ZBBX: variants seen among roughly 807,000 people sequenced by gnomAD.
ZBBX encodes the protein zinc finger B-box domain containing.
Under a neutral mutation model 108.5 loss-of-function variants are expected in ZBBX, and 101 were observed. The ratio of observed to expected loss-of-function variants is 0.93; its 90% CI spans 0.79 to 1.10. The LOEUF is 1.10. Ranked by LOEUF, ZBBX falls within the 50% of genes least tolerant of loss-of-function variation. ZBBX has a pLI of 0.00. For missense variants in ZBBX, 1,009 were observed against 941.4 expected (o/e 1.07, Z -0.94); for synonymous variants, 356 against 323.4 (o/e 1.10, Z -1.08).
Position 167,372,910 on chromosome 3 carries a change from C to T in ZBBX, c.-9G>A. 1.9e-6 allele frequency: 3 copies of T among 1,581,410 alleles called. No homozygotes were observed. In the South Asian group the frequency reaches 3.5e-5, roughly 19 times the overall value. The stretch of plus-strand genomic sequence containing the variant: ...AAATCTTTTCTGTTCATGATTACCA[C>T]CTTAATATTGTCTAAAAGTTATTCT... On this transcript the variant is annotated 5_prime_UTR_variant, in exon 4 of 22. The change creates a new upstream start codon in the 5' untranslated region. Transcript: ENST00000675490.
intron 20 of ZBBX, among the ~76,000 whole-genome samples, chr3:167,263,254 G>T (rs1386904347): frequency 6.6e-6 from 1 of 151,970 alleles, no homozygotes; most frequent in South Asian, 2.1e-4. Flanking sequence ...GCCTCCCAAA[G>T]TGCTGGGATT....
chr3:167,282,956 T>C (rs552201790), intron 19 of ZBBX, among the ~76,000 whole-genome samples: 4 of 152,340 alleles, frequency 2.6e-5, no homozygotes, highest in African/African-American at 9.6e-5. Flanking sequence ...TGATGATATG[T>C]AATTTATTCT....
At chr3:167,386,162 A>C (rs1747916844) in intron 1 of ZBBX, among the ~76,000 whole-genome samples, 1 of 152,070 alleles carries the variant, frequency 6.6e-6, no homozygotes. Context: ...AAAAAAAGAA[A>C]AAATAAAGGA....
At position 167,282,241 on chromosome 3, in the gene ZBBX, C is replaced by T; in HGVS notation, c.2251G>A (p.Ala751Thr). Residue 751 changes from alanine to threonine, a missense_variant, in exon 20 of 22, where the codon GCA becomes ACA. By Grantham distance (58) the Ala-to-Thr change is moderately conservative. Coordinates refer to ENST00000675490, the MANE Select transcript of ZBBX (RefSeq NM_001199201.2). Reference sequence around the variant, plus strand: ...GTGAAAAAAAAAATAGGATTACCTGCAAGAGATCTCAGCACTTGTAATTCT... The same window carrying T: ...GTGAAAAAAAAAATAGGATTACCTGTAAGAGATCTCAGCACTTGTAATTCT... The part of the protein sequence containing the change: ...EKELQVLRSL[A>T]DTSEKLYSLT... 6.2e-7 allele frequency: 1 copy of T among 1,606,822 alleles called. No individual in the cohort carries two copies. Among genetic ancestry groups the T allele is most frequent in the Non-Finnish European group, 8.5e-7 (1 of 1,177,030 alleles).
chr3:167,266,164 GGC>G (rs1725424351), intron 20 of ZBBX, among the ~76,000 whole-genome samples: 1 of 152,136 alleles, frequency 6.6e-6, no homozygotes, highest in Admixed American at 6.6e-5. Flanking sequence ...GAATGATGTA[GGC>G]TTCTGTTTTG....
chr3:167,286,518 T>C (rs1049249195), intron 19 of ZBBX, among the ~76,000 whole-genome samples: 3 of 152,128 alleles, frequency 2.0e-5, no homozygotes, highest in Non-Finnish European at 2.9e-5. Flanking sequence ...AAATGAATTA[T>C]AGCAACATGA....
chr3:167,317,226 A>C, intron 13 of ZBBX, 121 bp from the exon 14 acceptor site: 1 of 671,596 alleles, frequency 1.5e-6, no homozygotes, highest in Non-Finnish European at 2.4e-6. Flanking sequence ...AAAAATACAA[A>C]TACTGTCAAT....
intron 6 of ZBBX, among the ~76,000 whole-genome samples, chr3:167,364,134 A>G (rs1331280579): frequency 6.6e-6 from 1 of 151,620 alleles, no homozygotes; most frequent in Non-Finnish European, 1.5e-5. Context: ...TGTCAAGTGC[A>G]TTGTAGGATG....
chr3:167,389,813 T>C (rs1034201642), intron 1 of ZBBX, among the ~76,000 whole-genome samples: 2 of 117,538 alleles, frequency 1.7e-5, no homozygotes, highest in East Asian at 4.1e-4. Flanking sequence ...ACCCACTTTT[T>C]GATGTTTTTT....
At chr3:167,371,208 A>T (rs1186364423) in intron 4 of ZBBX, among the ~76,000 whole-genome samples, 1 of 152,200 alleles carries the variant, frequency 6.6e-6, no homozygotes, top group African/African-American at 2.4e-5. Context: ...TTACTATGAC[A>T]TACACATTAG....
At chr3:167,345,734 C>A (rs1222434250) in intron 9 of ZBBX, among the ~76,000 whole-genome samples, 1 of 151,654 alleles carries the variant, frequency 6.6e-6, no homozygotes, top group Non-Finnish European at 1.5e-5. Context: ...CATATGGAAC[C>A]AAGAAAGAGC....
the ZBBX span, among the ~76,000 whole-genome samples, chr3:167,207,681 A>G: frequency 6.6e-6 from 1 of 152,204 alleles, no homozygotes; most frequent in Non-Finnish European, 1.5e-5. Flanking sequence ...GCTCTCACAC[A>G]TAAGTAGGAG....
intron 16 of ZBBX, among the ~76,000 whole-genome samples, chr3:167,312,307 G>A (rs1245504655): frequency 1.3e-5 from 2 of 152,198 alleles, no homozygotes; most frequent in Non-Finnish European, 2.9e-5. Flanking sequence ...GTGGGGCACA[G>A]AGAATTTTTA....
chr3:167,269,126 G>T (rs1726096229), intron 20 of ZBBX, among the ~76,000 whole-genome samples: 1 of 152,300 alleles, frequency 6.6e-6, no homozygotes, highest in African/African-American at 2.4e-5. Context: ...GGGCTCAGGG[G>T]CTCTGTCTCT....
At chr3:167,354,407 T>C (rs1743184996) in intron 8 of ZBBX, among the ~76,000 whole-genome samples, 1 of 151,872 alleles carries the variant, frequency 6.6e-6, no homozygotes, top group Admixed American at 6.6e-5. Context: ...TTAAAAAGAA[T>C]GCATGGTCTG....
chr3:167,379,662 G>C lies in ZBBX; in HGVS notation c.-156C>G, dbSNP rs936514221. 6.6e-6 allele frequency: 1 copy of C among 152,034 alleles called. No individual in the cohort carries two copies. The highest frequency in any genetic ancestry group is 6.5e-5 in the Admixed American group (1 of 15,276). 9.4% of individuals were successfully genotyped at this position (152,034 alleles called of 1,614,324 possible). On this transcript the variant is annotated 5_prime_UTR_variant, in exon 2 of 22. Coordinates refer to ENST00000675490, the MANE Select transcript of ZBBX (RefSeq NM_001199201.2). ...CCTGAGTCCCTCTACTGCTGATTTT[G>C]GGAAGAAAAAATAAACTTCCACATC...
chr3:167,226,082 T>C, the ZBBX span, among the ~76,000 whole-genome samples: 1 of 132,886 alleles, frequency 7.5e-6, no homozygotes, highest in Non-Finnish European at 1.6e-5. Flanking sequence ...TGACTGTGAT[T>C]AAAAAAAAAA....
chr3:167,203,959 G>A, the ZBBX span, among the ~76,000 whole-genome samples: 1 of 152,046 alleles, frequency 6.6e-6, no homozygotes, highest in Non-Finnish European at 1.5e-5. Flanking sequence ...CTAGCATAAT[G>A]CTGTCAACTG....
Position 167,242,607 on chromosome 3 carries a change from T to C in ZBBX, c.2291A>G (p.Glu764Gly). Residue 764 changes from glutamate (E) to glycine (G), a missense_variant, in exon 21 of 22, where the codon GAG becomes GGG. Transcript: ENST00000675490. ...SEKLYSLTSE[E>G]FPDFSSQSLN... ...TGATTGGCTGCTGAAATCTGGGAACTCTTCTGAGGTTAAGCTGTAAAGCTT... is the reference window on the plus strand; with the variant it reads ...TGATTGGCTGCTGAAATCTGGGAACCCTTCTGAGGTTAAGCTGTAAAGCTT... 1.2e-6 allele frequency: 2 copies of C among 1,613,654 alleles called. No individual in the cohort carries two copies. The highest frequency in any genetic ancestry group is 1.7e-6 in the Non-Finnish European group (2 of 1,179,810).
Sources: allele counts gnomAD v4.1 joint callset (sites outside exome capture counted in the v4.1 genomes callset), GRCh38; gene constraint gnomAD v4.1.1; transcripts MANE v1.5; gene names NCBI Gene and HGNC (gene_info 2026-07-23, HGNC 2026-07-21).